Variants in EPHA10 observed in about 807,000 individuals in gnomAD.
EPHA10 encodes ephrin type-A receptor 10.
Under a neutral mutation model 109.7 loss-of-function variants are expected in EPHA10, and 120 were observed. The observed-to-expected ratio is 1.09, with a 90% confidence interval of 0.94 to 1.27. The LOEUF (loss-of-function observed/expected upper bound fraction) is 1.27, where lower values mean the gene tolerates loss of function less well. EPHA10 is among the 50% of genes most tolerant of loss of function. The pLI, the probability that EPHA10 is intolerant of heterozygous loss-of-function variation, is 0.00. For synonymous variants in EPHA10, 640 were observed against 618.9 expected (o/e 1.03, Z -0.51); for missense variants, 1,396 against 1,411.1 (o/e 0.99, Z 0.17).
intron 6 of EPHA10, chr1:37,734,705 C>A (rs1375133866): frequency 2.2e-6 from 1 of 445,922 alleles, no homozygotes; most frequent in Admixed American, 2.5e-5. Context: ...GATCAATTGG[C>A]CATATGGAGT....
chr1:37,729,564 AAAAAAAG>A (rs1488884251), intron 7 of EPHA10, among the ~76,000 whole-genome samples: 2 of 151,982 alleles, frequency 1.3e-5, no homozygotes, highest in African/African-American at 4.8e-5. Flanking sequence ...CGCTCTTTTT[AAAAAAAG>A]AAAAAAGAAA....
chr1:37,755,019 C>G (rs1198340771), intron 3 of EPHA10, among the ~76,000 whole-genome samples: 4 of 152,046 alleles, frequency 2.6e-5, no homozygotes, highest in African/African-American at 9.7e-5. Context: ...AGGCTGGTCT[C>G]GAACTCCTGG....
At chr1:37,726,520 T>C (rs1395571815) in intron 8 of EPHA10, among the ~76,000 whole-genome samples, 2 of 152,222 alleles carry the variant, frequency 1.3e-5, no homozygotes, top group African/African-American at 2.4e-5. Flanking sequence ...GGAGGATACA[T>C]GGCAGAAGGC....
rs762138810 is a variant in EPHA10, at chr1:37,720,733, T to C, written c.2208+50A>G. The C allele has an allele frequency of 6.9e-6, 11 of 1,605,472 alleles. No homozygotes were observed. The African/African-American group carries it at 1.5e-4, about 21-fold the overall frequency. On this transcript the variant is annotated intron_variant, in intron 12 of 16. Coordinates refer to ENST00000373048, the MANE Select transcript of EPHA10 (RefSeq NM_001099439.2). Reference sequence around the variant, plus strand: ...ACCAAAGAGAAAAGTGAGGGACCCCTGCCCGCTTTACAGAATAAAGTGGTC... The same window carrying C: ...ACCAAAGAGAAAAGTGAGGGACCCCCGCCCGCTTTACAGAATAAAGTGGTC...
At chr1:37,744,285 G>A (rs986607082) in intron 5 of EPHA10, among the ~76,000 whole-genome samples, 5 of 151,654 alleles carry the variant, frequency 3.3e-5, no homozygotes, top group Admixed American at 2.0e-4. Flanking sequence ...AGGCTGAGGC[G>A]GGTGGATCAC....
chr1:37,722,958 A>C, intron 10 of EPHA10, 83 bp downstream of exon 10: 1 of 1,598,062 alleles, frequency 6.3e-7, no homozygotes, highest in Non-Finnish European at 8.6e-7. Context: ...TTCAGGATAG[A>C]GGTGTGGACA....
chr1:37,756,989 C>T (rs1229313918), intron 3 of EPHA10, among the ~76,000 whole-genome samples: 2 of 152,088 alleles, frequency 1.3e-5, no homozygotes, highest in Non-Finnish European at 2.9e-5. Context: ...GCAACCATGC[C>T]TGGCTAATTT....
chr1:37,733,969 C>T (rs1646029663), intron 6 of EPHA10, among the ~76,000 whole-genome samples: 1 of 152,208 alleles, frequency 6.6e-6, no homozygotes, highest in Non-Finnish European at 1.5e-5. Context: ...TTCTCCATCT[C>T]AGTCAGTGGT....
intron 3 of EPHA10, chr1:37,760,206 G>A (rs1646419565): frequency 1.1e-6 from 1 of 909,360 alleles, no homozygotes; most frequent in Non-Finnish European, 1.3e-6. Context: ...TAGACTGTGA[G>A]CTTCTTGAGA....
intron 5 of EPHA10, among the ~76,000 whole-genome samples, chr1:37,735,613 C>T (rs1646058484): frequency 6.6e-6 from 1 of 152,050 alleles, no homozygotes; most frequent in Non-Finnish European, 1.5e-5. Flanking sequence ...CCCCACAGCC[C>T]TTTTCTTCAT....
chr1:37,735,388 G>A lies in EPHA10; in HGVS notation c.1360C>T (p.Pro454Ser). The A allele has an allele frequency of 6.3e-7, 1 of 1,581,170 alleles. No homozygotes were observed. The highest frequency in any genetic ancestry group is 1.2e-5 in the South Asian group (1 of 86,192). Residue 454 changes from proline to serine, a missense_variant and splice_region_variant, in exon 6 of 17, where the codon CCC (proline) becomes TCC (serine). Transcript: ENST00000373048. ...CTGCGGATCTCATCCTCCTCCCAGG[G>A]CGCTGAAAGTAAGTTACGTGGGATT... ...QVTVSTGPGA[P>S]WEEDEIRRDR...
chr1:37,735,389 C>T lies in EPHA10; in HGVS notation c.1359G>A (p.Ala453=), dbSNP rs377224982. The stretch of plus-strand genomic sequence containing the variant: ...TGCGGATCTCATCCTCCTCCCAGGG[C>T]GCTGAAAGTAAGTTACGTGGGATTC... ...AQVTVSTGPG[A]PWEEDEIRRD... is the part of the protein sequence containing the mutation. The change falls in exon 6 of 17, where the codon GCG becomes GCA. Residue 453 remains alanine, a splice_region_variant and synonymous_variant. Coordinates refer to ENST00000373048, the MANE Select transcript of EPHA10 (RefSeq NM_001099439.2). 2.5e-6 allele frequency: 4 copies of T among 1,580,906 alleles called. No homozygotes were observed. The highest frequency in any genetic ancestry group is 3.4e-6 in the Non-Finnish European group (4 of 1,163,406).
intron 6 of EPHA10, 112 bp downstream of exon 6, chr1:37,735,145 T>G: frequency 7.1e-7 from 1 of 1,399,524 alleles, no homozygotes; most frequent in African/African-American, 1.4e-5. Context: ...CGGGTGGTTA[T>G]GTTTACAAAG....
chr1:37,738,611 A>T (rs1420226434), intron 5 of EPHA10, among the ~76,000 whole-genome samples: 1 of 152,156 alleles, frequency 6.6e-6, no homozygotes, highest in African/African-American at 2.4e-5. Flanking sequence ...GAGGTTCCTT[A>T]AAAAATTATA....
intron 15 of EPHA10, 37 bp from the exon 16 acceptor site, chr1:37,718,853 G>A (rs1645737386): frequency 6.4e-7 from 1 of 1,572,428 alleles, no homozygotes; most frequent in Non-Finnish European, 8.6e-7. Flanking sequence ...CCGACAGCTG[G>A]GATCTGGGCC....
chr1:37,735,182 G>T, intron 6 of EPHA10, 75 bp downstream of exon 6: 1 of 1,533,284 alleles, frequency 6.5e-7, no homozygotes. Context: ...TTGCTGGGAG[G>T]ATGGCCTGAA....
intron 3 of EPHA10, among the ~76,000 whole-genome samples, chr1:37,759,334 A>C (rs1646413550): frequency 6.6e-6 from 1 of 152,150 alleles, no homozygotes; most frequent in Non-Finnish European, 1.5e-5. Flanking sequence ...ACATTTAGTT[A>C]CATAGGCCCA....
intron 5 of EPHA10, among the ~76,000 whole-genome samples, chr1:37,749,494 G>A (rs553926368): frequency 2.0e-5 from 3 of 151,798 alleles, no homozygotes; most frequent in South Asian, 2.1e-4. Context: ...CCAACATGGC[G>A]AAACCCTGTC....
intron 5 of EPHA10, among the ~76,000 whole-genome samples, chr1:37,744,170 A>G (rs115081692): frequency 0.016 from 2,394 of 152,272 alleles, 63 homozygotes; most frequent in African/African-American, 0.055. Context: ...CGATGACACC[A>G]AAAGCACAAG....
Sources: gnomAD v4.1 joint callset for allele counts (sites outside exome capture counted in the v4.1 genomes callset) on GRCh38, gnomAD v4.1.1 for gene constraint, MANE v1.5 for transcripts, NCBI Gene and HGNC (gene_info 2026-07-23, HGNC 2026-07-21) for gene names.